The following SMKR1 variants were observed in gnomAD, a reference collection of about 807,000 sequenced individuals.
The protein encoded by SMKR1 is small lysine-rich protein 1.
A neutral mutation model predicts 4.0 loss-of-function variants in SMKR1; 4 were observed. That is an observed-to-expected ratio of 1.00 (90% CI 0.49 to 2.30). SMKR1 has a LOEUF of 2.30. Among genes scored for constraint, SMKR1 ranks in the 30% most tolerant of loss-of-function variants. SMKR1 has a pLI of 0.02. For synonymous variants in SMKR1, 38 were observed against 32.5 expected (o/e 1.17, Z -0.58); for missense variants, 56 against 81.8 (o/e 0.68, Z 1.22).
rs11463371 is a variant in SMKR1, at chr7:129,512,874, CTT to C, written c.*444_*445del. The C allele has an allele frequency of 3.5e-5, 5 of 143,712 alleles. No individual in the cohort carries two copies. Among genetic ancestry groups the C allele is most frequent in the Non-Finnish European group, 3.1e-5 (2 of 65,322 alleles). 8.9% of individuals were successfully genotyped at this position (143,712 alleles called of 1,614,324 possible). On this transcript the variant is annotated 3_prime_UTR_variant, in exon 2 of 2. Coordinates refer to ENST00000462322, the MANE Select transcript of SMKR1 (RefSeq NM_001195243.2). ...ACATTCCTCTCTTGGGCACCATTTCCTTTTTTTTTTTTAATGGAAAATAATAA... is the reference window on the plus strand; with the variant it reads ...ACATTCCTCTCTTGGGCACCATTTCCTTTTTTTTTTAATGGAAAATAATAA...
In SMKR1 at chr7:129,506,648, C is replaced by T. The variant is rs529478008; in HGVS notation, c.3+3821C>T. Among the ~76,000 whole-genome samples, 9 of 147,720 alleles carry T rather than the reference C, an allele frequency of 6.1e-5. No individual in the cohort carries two copies. In the South Asian group the frequency reaches 1.1e-3, roughly 18 times the overall value. On this transcript the variant is annotated intron_variant, in intron 1 of 1. Transcript: ENST00000462322. ...CTGCCCTCTCTCTAGATTAGTTTAT[C>T]GTTTCTGAGATTTTATATATATGCA... is the stretch of plus-strand genomic sequence containing the variant.
At chr7:129,505,249 C>T (rs1477955812) in intron 1 of SMKR1, among the ~76,000 whole-genome samples, 2 of 152,114 alleles carry the variant, frequency 1.3e-5, no homozygotes, top group African/African-American at 4.8e-5. Flanking sequence ...TTACTATTAA[C>T]TAGTGAAAAG....
At chr7:129,502,895 G>T (rs972299759) in intron 1 of SMKR1, 68 bp downstream of exon 1, 1 of 1,530,910 alleles carries the variant, frequency 6.5e-7, no homozygotes, top group Non-Finnish European at 8.7e-7. Flanking sequence ...CTGTCCCGGA[G>T]AGGCGCGGGC....
At chr7:129,506,368 G>A (rs1279570027) in intron 1 of SMKR1, among the ~76,000 whole-genome samples, 1 of 152,106 alleles carries the variant, frequency 6.6e-6, no homozygotes, top group Non-Finnish European at 1.5e-5. Context: ...CTTGAGTCTG[G>A]GAGATCGAGA....
intron 1 of SMKR1, among the ~76,000 whole-genome samples, chr7:129,508,684 T>TC (rs1466617271): frequency 6.6e-6 from 1 of 152,146 alleles, no homozygotes. Context: ...CCTCAGGTGA[T>TC]CCACCTGCCT....
At position 129,502,533 on chromosome 7, in the gene SMKR1, A is replaced by T. The variant is rs1420270183; in HGVS notation, c.-292A>T. The stretch of plus-strand genomic sequence containing the variant: ...GCGCGCGGCCCCGCCCCCGAGGCGC[A>T]CGCCGGCCCAGCGCCCACAGCTGCG... On this transcript the variant is annotated 5_prime_UTR_variant, in exon 1 of 2. Transcript: ENST00000462322. The T allele has an allele frequency of 3.3e-6, 1 of 301,870 alleles. No individual in the cohort carries two copies. Among genetic ancestry groups the T allele is most frequent in the Non-Finnish European group, 6.0e-6 (1 of 166,020 alleles). The allele number at this position is 301,870 out of a possible 1,614,324, so 18.7% of individuals were successfully genotyped here. A position where few individuals can be genotyped will look rare whatever the true frequency, so the allele number is the denominator to read the frequency against.
intron 1 of SMKR1, among the ~76,000 whole-genome samples, chr7:129,504,627 C>T (rs1799446610): frequency 6.6e-6 from 1 of 151,806 alleles, no homozygotes; most frequent in South Asian, 2.1e-4. Context: ...ATACATAGCT[C>T]ACTTTGGCCT....
rs148475868 is a variant in SMKR1, at chr7:129,512,388, C to T, written c.145C>T (p.Arg49Ter). Residue 49 changes from arginine to a stop codon, truncating the protein, a stop_gained, in exon 2 of 2, where the codon CGA becomes TGA. Coordinates refer to ENST00000462322, the MANE Select transcript of SMKR1 (RefSeq NM_001195243.2). LOFTEE classifies it high-confidence loss of function. ...CAACGTCGCTGACTGCCTGCATCTG[C>T]GAGGCTTCCATTGGCCGGGTGCTCC... ...AHNVADCLHL[R>*]GFHWPGAPKG... The T allele has an allele frequency of 1.9e-4, 289 of 1,535,930 alleles. 1 individual carries two copies. In the African/African-American group the frequency reaches 3.1e-3, roughly 17 times the overall value.
chr7:129,503,829 CTTTT>C (rs11404964), intron 1 of SMKR1, among the ~76,000 whole-genome samples: 26 of 126,264 alleles, frequency 2.1e-4, no homozygotes, highest in Admixed American at 1.2e-3. Context: ...GAGCTATTAC[CTTTT>C]TTTTTTTTTT....
intron 1 of SMKR1, among the ~76,000 whole-genome samples, chr7:129,505,473 C>G (rs1388551649): frequency 6.6e-6 from 1 of 151,416 alleles, no homozygotes; most frequent in East Asian, 1.9e-4. Context: ...CTTTCTTTTT[C>G]TCTTTTTCTC....
chr7:129,503,898 G>A (rs1799438404), intron 1 of SMKR1, among the ~76,000 whole-genome samples: 1 of 140,952 alleles, frequency 7.1e-6, no homozygotes. Flanking sequence ...TGTGATCACA[G>A]CTGACTGCAG....
At chr7:129,512,120 G>A in intron 1 of SMKR1, 127 bp from the exon 2 acceptor site, 1 of 904,182 alleles carries the variant, frequency 1.1e-6, no homozygotes, top group Non-Finnish European at 1.6e-6. Context: ...GGAGGTGGAG[G>A]TTGTAGTGAG....
rs1490040326 is a variant in SMKR1 at position 129,502,801 on chromosome 7, C to T, written c.-24C>T. The T allele has an allele frequency of 6.5e-6, 10 of 1,535,036 alleles. No individual in the cohort carries two copies. The African/African-American group carries it at 1.4e-4, about 21-fold the overall frequency. On this transcript the variant is annotated 5_prime_UTR_variant, in exon 1 of 2. Transcript: ENST00000462322. ...TCGGGATCGGGAGAGTCCACCACGC[C>T]TGCCTGCTCGGCTGAGAATCGCCAT... is the stretch of plus-strand genomic sequence containing the variant.
chr7:129,507,227 G>A (rs1470390410), intron 1 of SMKR1, among the ~76,000 whole-genome samples: 1 of 152,240 alleles, frequency 6.6e-6, no homozygotes, highest in East Asian at 1.9e-4. Flanking sequence ...ATGTTAGCCA[G>A]GACGGTCTCG....
chr7:129,506,007 A>G (rs1799461266), intron 1 of SMKR1, among the ~76,000 whole-genome samples: 1 of 152,218 alleles, frequency 6.6e-6, no homozygotes, highest in Non-Finnish European at 1.5e-5. Context: ...TGAGACCAGG[A>G]AAAGCCAAGA....
chr7:129,508,060 C>G (rs878956661), intron 1 of SMKR1, among the ~76,000 whole-genome samples: 2 of 152,114 alleles, frequency 1.3e-5, no homozygotes, highest in Admixed American at 1.3e-4. Context: ...AATGTCATAT[C>G]CAAGAAATAT....
intron 1 of SMKR1, among the ~76,000 whole-genome samples, chr7:129,506,181 T>C (rs1799463280): frequency 6.6e-6 from 1 of 152,220 alleles, no homozygotes; most frequent in African/African-American, 2.4e-5. Context: ...AGCTCATGCC[T>C]GTAAACCCAG....
At chr7:129,505,839 C>T (rs774740651) in intron 1 of SMKR1, among the ~76,000 whole-genome samples, 4 of 152,126 alleles carry the variant, frequency 2.6e-5, no homozygotes, top group Non-Finnish European at 5.9e-5. Flanking sequence ...AGAGAAGCAA[C>T]GAATTCTGCC....
At chr7:129,506,013 C>G (rs1055497448) in intron 1 of SMKR1, among the ~76,000 whole-genome samples, 3 of 152,038 alleles carry the variant, frequency 2.0e-5, no homozygotes, top group Non-Finnish European at 2.9e-5. Flanking sequence ...CAGGAAAAGC[C>G]AAGAGCCACA....
Sources: allele counts gnomAD v4.1 joint callset (sites outside exome capture counted in the v4.1 genomes callset), GRCh38; gene constraint gnomAD v4.1.1; transcripts MANE v1.5; gene names NCBI Gene and HGNC (gene_info 2026-07-23, HGNC 2026-07-21).